The following DNAAF11 variants were observed in gnomAD, a reference collection of about 807,000 sequenced individuals.
DNAAF11 encodes leucine rich repeat containing 6.
A neutral mutation model predicts 60.8 loss-of-function variants in DNAAF11; 45 were observed. The observed-to-expected ratio is 0.74, with a 90% CI of 0.58 to 0.95. DNAAF11 has a LOEUF of 0.95. Ranked by LOEUF, DNAAF11 falls within the 40% of genes least tolerant of loss-of-function variation. The pLI, the probability that DNAAF11 is intolerant of heterozygous loss-of-function variation, is 0.00. For missense variants in DNAAF11, 546 were observed against 546.2 expected (o/e 1.00, Z 0.00); for synonymous variants, 191 against 183.5 (o/e 1.04, Z -0.33).
chr8:132,670,648 A>C (rs935515485), intron 1 of DNAAF11, among the ~76,000 whole-genome samples: 1 of 152,186 alleles, frequency 6.6e-6, no homozygotes, highest in Non-Finnish European at 1.5e-5. Flanking sequence ...AATCAAATGC[A>C]TTACAAGAAA....
At chr8:132,635,446 G>C (rs1374056350) in intron 4 of DNAAF11, among the ~76,000 whole-genome samples, 1 of 152,080 alleles carries the variant, frequency 6.6e-6, no homozygotes, top group Non-Finnish European at 1.5e-5. Flanking sequence ...GTGGAAGCAG[G>C]GGTCAGACCT....
intron 3 of DNAAF11, among the ~76,000 whole-genome samples, chr8:132,645,093 G>T (rs529455199): frequency 2.6e-5 from 4 of 152,320 alleles, no homozygotes; most frequent in African/African-American, 9.6e-5. Flanking sequence ...AGTAGGGGCT[G>T]ACTGACACCT....
At chr8:132,681,482 G>A in the DNAAF11 span, among the ~76,000 whole-genome samples, 3,665 of 152,180 alleles carry the variant, frequency 0.024, 157 homozygotes, top group African/African-American at 0.08. Flanking sequence ...GCTTGTGACA[G>A]AGAAGACTGG....
At chr8:132,584,697 C>T (rs939871774) in intron 10 of DNAAF11, among the ~76,000 whole-genome samples, 2 of 152,102 alleles carry the variant, frequency 1.3e-5, no homozygotes, top group Non-Finnish European at 2.9e-5. Context: ...AGGGGAATGA[C>T]TCATTCACCT....
chr8:132,603,598 G>T (rs1230779840), intron 10 of DNAAF11, among the ~76,000 whole-genome samples: 1 of 151,936 alleles, frequency 6.6e-6, no homozygotes, highest in Non-Finnish European at 1.5e-5. Context: ...TTTAGTGGGG[G>T]GTGGGGGTGT....
intron 1 of DNAAF11, among the ~76,000 whole-genome samples, chr8:132,667,503 T>A (rs999429391): frequency 9.2e-5 from 14 of 152,206 alleles, no homozygotes; most frequent in African/African-American, 3.4e-4. Flanking sequence ...ATAGTACCTA[T>A]TATGTGGTAT....
chr8:132,602,475 C>G (rs906268170), intron 10 of DNAAF11, among the ~76,000 whole-genome samples: 17 of 152,118 alleles, frequency 1.1e-4, no homozygotes, highest in Admixed American at 1.1e-3. Context: ...TCCCTTCCAG[C>G]ATTCCCATAC....
At chr8:132,693,782 C>G in the DNAAF11 span, among the ~76,000 whole-genome samples, 1 of 152,128 alleles carries the variant, frequency 6.6e-6, no homozygotes, top group Non-Finnish European at 1.5e-5. Context: ...GACAGGGGAG[C>G]AGCAAATGGC....
intron 3 of DNAAF11, among the ~76,000 whole-genome samples, chr8:132,642,473 T>C (rs1821956325): frequency 6.6e-6 from 1 of 152,178 alleles, no homozygotes; most frequent in South Asian, 2.1e-4. Context: ...GTGGAACCAG[T>C]GAAGCTCTGG....
chr8:132,666,113 G>A (rs1002330858), intron 1 of DNAAF11, among the ~76,000 whole-genome samples: 2 of 152,134 alleles, frequency 1.3e-5, no homozygotes, highest in African/African-American at 4.8e-5. Context: ...AGGAGGGGAG[G>A]CAAGGGTTGA....
upstream of DNAAF11, among the ~76,000 whole-genome samples, chr8:132,675,918 G>C (rs746869179): frequency 2.1e-4 from 32 of 152,120 alleles, no homozygotes; most frequent in Non-Finnish European, 3.8e-4. Flanking sequence ...ATCTGGATTT[G>C]GCCCCCAACT....
Position 132,674,121 on chromosome 8 carries a change from G to GAGGAGC in DNAAF11, c.10+1362_10+1363insGCTCCT, listed in dbSNP as rs1554613056. Among the ~76,000 whole-genome samples the GAGGAGC allele has an allele frequency of 9.1e-3, 904 of 99,618 alleles. 115 individuals carry two copies. The highest frequency in any genetic ancestry group is 0.029 in the African/African-American group (691 of 23,642). The allele number at this position is 99,618 out of a possible 152,430, so 65.4% of individuals were successfully genotyped here. On this transcript the variant is annotated intron_variant, in intron 1 of 11. Transcript: ENST00000620350. Reference sequence around the variant, plus strand: ...GCAGGAGGAGGAGGAGCAGGAGGAGGAGGAGGAGGAGGAGAAGGAGGAGGA... The same window carrying GAGGAGC: ...GCAGGAGGAGGAGGAGCAGGAGGAGGAGGAGCAGGAGGAGGAGGAGAAGGAGGAGGA...
intron 1 of DNAAF11, among the ~76,000 whole-genome samples, chr8:132,669,639 G>A (rs1253977234): frequency 6.6e-6 from 1 of 152,142 alleles, no homozygotes; most frequent in African/African-American, 2.4e-5. Flanking sequence ...GACAGAGAAA[G>A]CTGAGGGCTA....
intron 1 of DNAAF11, among the ~76,000 whole-genome samples, chr8:132,664,628 A>ATTT (rs765311899): frequency 1.4e-5 from 2 of 140,340 alleles, no homozygotes; most frequent in African/African-American, 5.4e-5. Flanking sequence ...CACCCAGCTA[A>ATTT]TTTTTTTTTT....
chr8:132,668,100 G>T (rs1431318521), intron 1 of DNAAF11, among the ~76,000 whole-genome samples: 2 of 152,152 alleles, frequency 1.3e-5, no homozygotes, highest in African/African-American at 4.8e-5. Context: ...ATATGAAATT[G>T]AGAGTTAATA....
intron 4 of DNAAF11, among the ~76,000 whole-genome samples, chr8:132,633,999 T>G (rs10111463): frequency 0.04 from 6,057 of 152,108 alleles, 405 homozygotes; most frequent in African/African-American, 0.13. Context: ...TTTAAGTCAC[T>G]AAGTTTGTCT....
At chr8:132,683,948 A>C in the DNAAF11 span, among the ~76,000 whole-genome samples, 5 of 152,176 alleles carry the variant, frequency 3.3e-5, no homozygotes, top group African/African-American at 4.8e-5. Flanking sequence ...ACCTGTAGAC[A>C]GAAAGATTAG....
intron 3 of DNAAF11, chr8:132,643,323 G>A (rs73356825): frequency 0.062 from 12,502 of 202,676 alleles, 1,215 homozygotes; most frequent in African/African-American, 0.23. Flanking sequence ...ACTTAAGTCT[G>A]TAAGTAAAAG....
At chr8:132,646,252 G>T (rs1441296488) in intron 3 of DNAAF11, among the ~76,000 whole-genome samples, 1 of 152,082 alleles carries the variant, frequency 6.6e-6, no homozygotes, top group Non-Finnish European at 1.5e-5. Flanking sequence ...CATAAGTGAA[G>T]GAGAAATAAA....
Sources: allele counts gnomAD v4.1 joint callset (sites outside exome capture counted in the v4.1 genomes callset), GRCh38; gene constraint gnomAD v4.1.1; transcripts MANE v1.5; gene names NCBI Gene and HGNC (gene_info 2026-07-23, HGNC 2026-07-21).